MIPOL1: variants seen among roughly 807,000 people sequenced by gnomAD.
MIPOL1 encodes mirror-image polydactyly gene 1 protein.
A neutral mutation model predicts 60.9 loss-of-function variants in MIPOL1; 57 were observed. That is an observed-to-expected ratio of 0.94 (90% CI 0.76 to 1.17). The LOEUF (loss-of-function observed/expected upper bound fraction) is 1.17, where lower values mean the gene tolerates loss of function less well. Ranked by LOEUF, MIPOL1 falls within the 50% of genes most tolerant of loss-of-function variation. MIPOL1 has a pLI of 0.00. For synonymous variants in MIPOL1, 179 were observed against 168.8 expected (o/e 1.06, Z -0.47); for missense variants, 551 against 511.6 (o/e 1.08, Z -0.74).
At chr14:37,399,193 C>A (rs2093434528) in intron 10 of MIPOL1, among the ~76,000 whole-genome samples, 1 of 152,132 alleles carries the variant, frequency 6.6e-6, no homozygotes, top group Admixed American at 6.5e-5. Flanking sequence ...TTTCATAGAC[C>A]AATCATGGAA....
chr14:37,493,812 C>A (rs2095079832), intron 11 of MIPOL1, among the ~76,000 whole-genome samples: 2 of 152,148 alleles, frequency 1.3e-5, no homozygotes, highest in Non-Finnish European at 2.9e-5. Flanking sequence ...CTATTGATTA[C>A]ATGCTTTAGA....
chr14:37,310,685 G>T (rs561426143), intron 9 of MIPOL1, among the ~76,000 whole-genome samples: 2 of 152,064 alleles, frequency 1.3e-5, no homozygotes, highest in Non-Finnish European at 2.9e-5. Flanking sequence ...ACCTCCCATG[G>T]AGGCTGAGTG....
At chr14:37,483,566 G>A (rs1017048887) in intron 11 of MIPOL1, among the ~76,000 whole-genome samples, 2 of 152,022 alleles carry the variant, frequency 1.3e-5, no homozygotes, top group African/African-American at 4.8e-5. Flanking sequence ...CTGAAAGCAG[G>A]TTCCTCCAAA....
Position 37,495,102 on chromosome 14 carries a change from T to A in MIPOL1, c.1032-4806T>A, listed in dbSNP as rs1021632037. ...AAACTTAATCATTGATTCTTTTTTTTTCTAGGTAATTTTTCTTTTTTTTTT... is the reference window on the plus strand; with the variant it reads ...AAACTTAATCATTGATTCTTTTTTTATCTAGGTAATTTTTCTTTTTTTTTT... On this transcript the variant is annotated intron_variant, in intron 11 of 12. Transcript: ENST00000684589. 2.8e-5 allele frequency among the ~76,000 whole-genome samples: 4 copies of A among 144,136 alleles called. No homozygotes were observed. In the East Asian group the frequency reaches 8.4e-4, roughly 30 times the overall value. 94.6% of individuals were successfully genotyped at this position (144,136 alleles called of 152,430 possible).
At chr14:37,210,601 G>C (rs950529673) in intron 1 of MIPOL1, among the ~76,000 whole-genome samples, 1 of 152,042 alleles carries the variant, frequency 6.6e-6, no homozygotes, top group Non-Finnish European at 1.5e-5. Flanking sequence ...CGGGCAGGGG[G>C]CTAGAGAATG....
chr14:37,313,299 CT>C (rs1216094344), intron 9 of MIPOL1, among the ~76,000 whole-genome samples: 3 of 152,034 alleles, frequency 2.0e-5, no homozygotes, highest in Non-Finnish European at 4.4e-5. Context: ...TGAGGGCTGA[CT>C]TTATTGGGAG....
At chr14:37,228,325 CT>C (rs397961053) in intron 1 of MIPOL1, among the ~76,000 whole-genome samples, 9,587 of 105,162 alleles carry the variant, frequency 0.091, 1,011 homozygotes, top group African/African-American at 0.29. Context: ...TCTTTCTTTT[CT>C]TTTTTTTTTT....
Position 37,444,108 on chromosome 14 carries a change from T to C in MIPOL1, c.1031+21159T>C, listed in dbSNP as rs534371873. Among the ~76,000 whole-genome samples the C allele has an allele frequency of 1.4e-4, 21 of 152,202 alleles. 1 individual carries two copies. The highest frequency in any genetic ancestry group is 2.9e-4 in the Non-Finnish European group (20 of 67,984). On this transcript the variant is annotated intron_variant, in intron 11 of 12. Transcript: ENST00000684589. The stretch of plus-strand genomic sequence containing the variant: ...TGAAGGAACCCATAATTATTAAAAA[T>C]TGGAAAAATAAAACTGCTTTTATTT...
At position 37,285,299 on chromosome 14, in the gene MIPOL1, G is replaced by T; in HGVS notation, c.494-19G>T. On this transcript the variant is annotated intron_variant, in intron 6 of 12. Coordinates refer to ENST00000684589, the MANE Select transcript of MIPOL1 (RefSeq NM_001388067.1). Reference sequence around the variant, plus strand: ...CTTTATTTTGTATGATTGATTGTGCGCTTTATATATTTTGGTAGCTCTGGT... The same window carrying T: ...CTTTATTTTGTATGATTGATTGTGCTCTTTATATATTTTGGTAGCTCTGGT... 6.2e-7 allele frequency: 1 copy of T among 1,613,160 alleles called. No individual in the cohort carries two copies. Among genetic ancestry groups the T allele is most frequent in the Non-Finnish European group, 8.5e-7 (1 of 1,179,542 alleles).
intron 6 of MIPOL1, among the ~76,000 whole-genome samples, chr14:37,271,019 G>A (rs1004128360): frequency 4.6e-5 from 7 of 152,176 alleles, no homozygotes; most frequent in Non-Finnish European, 7.4e-5. Context: ...GACGCTAATA[G>A]AGGTAATATT....
intron 7 of MIPOL1, among the ~76,000 whole-genome samples, chr14:37,297,255 A>G (rs1474932233): frequency 6.6e-6 from 1 of 152,022 alleles, no homozygotes; most frequent in African/African-American, 2.4e-5. Context: ...AAATTCAACA[A>G]CCTTCATGCT....
intron 10 of MIPOL1, among the ~76,000 whole-genome samples, chr14:37,407,247 G>A (rs1245820549): frequency 6.6e-6 from 1 of 152,098 alleles, no homozygotes; most frequent in Non-Finnish European, 1.5e-5. Flanking sequence ...GAAGTTGGGA[G>A]AGTAGTTAAT....
At chr14:37,224,213 C>T (rs1486407013) in intron 1 of MIPOL1, among the ~76,000 whole-genome samples, 3 of 152,116 alleles carry the variant, frequency 2.0e-5, no homozygotes, top group African/African-American at 7.2e-5. Context: ...GGTGTGGTGG[C>T]TCATGTCTGT....
intron 3 of MIPOL1, among the ~76,000 whole-genome samples, chr14:37,258,609 C>T (rs940539106): frequency 6.6e-6 from 1 of 152,018 alleles, no homozygotes; most frequent in Admixed American, 6.6e-5. Flanking sequence ...GTTGTACAAA[C>T]CCTAAATTTG....
At chr14:37,437,630 C>T (rs2094182463) in intron 11 of MIPOL1, among the ~76,000 whole-genome samples, 1 of 152,004 alleles carries the variant, frequency 6.6e-6, no homozygotes, top group African/African-American at 2.4e-5. Flanking sequence ...GAGCTAACAC[C>T]ACAGTAAGAC....
At chr14:37,546,468 A>T (rs920225625) in intron 12 of MIPOL1, among the ~76,000 whole-genome samples, 1 of 152,206 alleles carries the variant, frequency 6.6e-6, no homozygotes, top group African/African-American at 2.4e-5. Flanking sequence ...TACACAGTAT[A>T]CCAACCAATG....
intron 11 of MIPOL1, among the ~76,000 whole-genome samples, chr14:37,446,332 A>G (rs1484089590): frequency 6.6e-6 from 1 of 152,190 alleles, no homozygotes; most frequent in Non-Finnish European, 1.5e-5. Context: ...AATGCTCACC[A>G]TCACTGGCCA....
chr14:37,417,683 A>C (rs1206804905), intron 10 of MIPOL1, among the ~76,000 whole-genome samples: 2 of 152,184 alleles, frequency 1.3e-5, no homozygotes, highest in Non-Finnish European at 2.9e-5. Flanking sequence ...TTCTTTGAGA[A>C]ATCATCTAAC....
At chr14:37,293,130 C>G (rs2085261088) in intron 7 of MIPOL1, among the ~76,000 whole-genome samples, 1 of 104,686 alleles carries the variant, frequency 9.6e-6, no homozygotes, top group African/African-American at 3.4e-5. Context: ...TAAGGCTTTT[C>G]TTCATGAAAA....
Sources: allele counts gnomAD v4.1 joint callset (sites outside exome capture counted in the v4.1 genomes callset), GRCh38; gene constraint gnomAD v4.1.1; transcripts MANE v1.5; gene names NCBI Gene and HGNC (gene_info 2026-07-23, HGNC 2026-07-21).